Variants in MAST2 observed in about 807,000 individuals in gnomAD.
The protein encoded by MAST2 is microtubule-associated serine/threonine-protein kinase 2.
Under a neutral mutation model 147.4 loss-of-function variants are expected in MAST2, and 70 were observed. The ratio of observed to expected loss-of-function variants is 0.47; its 90% CI spans 0.39 to 0.58. The LOEUF is 0.58. Among genes scored for constraint, MAST2 ranks in the 20% least tolerant of loss-of-function variants. MAST2 has a pLI of 0.00. For missense variants in MAST2, 2,080 were observed against 2,302.3 expected (o/e 0.90, Z 1.98); for synonymous variants, 869 against 896.8 (o/e 0.97, Z 0.55).
At chr1:45,966,172 T>G (rs893417796) in intron 5 of MAST2, among the ~76,000 whole-genome samples, 1 of 152,202 alleles carries the variant, frequency 6.6e-6, no homozygotes, top group Non-Finnish European at 1.5e-5. Flanking sequence ...TGAAGTTTCC[T>G]CCATGTCTTT....
rs1053135930 is a variant in MAST2, at chr1:45,878,212, A to T, written c.469-4152A>T. ...GAGCAAGGCTCTATCTCAAAAAAAA[A>T]AAAAAAAAAAAGTTGACTTTAACTC... is the stretch of plus-strand genomic sequence containing the variant. On this transcript the variant is annotated intron_variant, in intron 3 of 28. Coordinates refer to ENST00000361297, the MANE Select transcript of MAST2 (RefSeq NM_015112.3). Among the ~76,000 whole-genome samples the T allele has an allele frequency of 1.3e-4, 20 of 152,176 alleles. No individual in the cohort carries two copies. The East Asian group carries it at 2.7e-3, about 21-fold the overall frequency.
At chr1:45,979,860 A>G (rs1344269845) in intron 5 of MAST2, among the ~76,000 whole-genome samples, 1 of 152,200 alleles carries the variant, frequency 6.6e-6, no homozygotes, top group Non-Finnish European at 1.5e-5. Flanking sequence ...AAAAGTAGCT[A>G]TAAAAAAGAA....
chr1:45,832,596 T>G (rs1376539274), intron 3 of MAST2, among the ~76,000 whole-genome samples: 2 of 152,172 alleles, frequency 1.3e-5, no homozygotes, highest in African/African-American at 4.8e-5. Flanking sequence ...GCCTGGCCTG[T>G]ATTTTCTTTA....
intron 3 of MAST2, among the ~76,000 whole-genome samples, chr1:45,870,367 A>G (rs1452383281): frequency 6.6e-6 from 1 of 152,140 alleles, no homozygotes; most frequent in Non-Finnish European, 1.5e-5. Flanking sequence ...AACCCAACTC[A>G]GGAATAATGT....
At chr1:45,833,992 G>A (rs1341586132) in intron 3 of MAST2, among the ~76,000 whole-genome samples, 1 of 151,360 alleles carries the variant, frequency 6.6e-6, no homozygotes, top group East Asian at 1.9e-4. Context: ...TTTGCTAGTT[G>A]GTATTAAATA....
chr1:45,962,769 A>C (rs554789238), intron 5 of MAST2, among the ~76,000 whole-genome samples: 48 of 152,218 alleles, frequency 3.2e-4, no homozygotes, highest in South Asian at 8.3e-4. Context: ...GAAGCTCTTT[A>C]GTTTAATTAG....
chr1:45,940,327 A>G (rs539229429), intron 4 of MAST2, among the ~76,000 whole-genome samples: 4 of 151,934 alleles, frequency 2.6e-5, no homozygotes, highest in East Asian at 1.9e-4. Context: ...TTAGTGTTTC[A>G]TAGTTTTCAG....
intron 4 of MAST2, among the ~76,000 whole-genome samples, chr1:45,916,432 C>A (rs997671895): frequency 6.6e-6 from 1 of 152,170 alleles, no homozygotes; most frequent in South Asian, 2.1e-4. Context: ...CTATTTATTA[C>A]CTGTTTTCAA....
At chr1:45,992,018 T>C (rs1277676547) in intron 5 of MAST2, among the ~76,000 whole-genome samples, 1 of 152,178 alleles carries the variant, frequency 6.6e-6, no homozygotes, top group Non-Finnish European at 1.5e-5. Context: ...TATGAGCCAC[T>C]GCACCCAGTC....
At position 45,959,470 on chromosome 1, in the gene MAST2, C is replaced by A. The variant is rs1660097838; in HGVS notation, c.585C>A (p.Gly195=). The change falls in exon 5 of 29, where the codon GGC becomes GGA. Residue 195 remains glycine (G), a synonymous_variant. Coordinates refer to ENST00000361297, the MANE Select transcript of MAST2 (RefSeq NM_015112.3). ...TLPRPHSPLH[G]HTGNSPLDSP... ...CACGGCCACACTCACCACTCCATGG[C>A]CACACAGGTGAGTGCTTGAAGGTTA... 6.2e-7 allele frequency: 1 copy of A among 1,613,220 alleles called. No homozygotes were observed. Among genetic ancestry groups the A allele is most frequent in the Non-Finnish European group, 8.5e-7 (1 of 1,179,452 alleles).
chr1:45,890,287 G>C (rs1193817091), intron 4 of MAST2, among the ~76,000 whole-genome samples: 2 of 152,220 alleles, frequency 1.3e-5, no homozygotes, highest in Non-Finnish European at 2.9e-5. Flanking sequence ...GTAAGTATTA[G>C]CTCAGGCTGC....
At chr1:45,933,905 G>GTT (rs11423169) in intron 4 of MAST2, among the ~76,000 whole-genome samples, 177 of 147,346 alleles carry the variant, frequency 1.2e-3, no homozygotes, top group Middle Eastern at 3.5e-3. Context: ...AAAATTTTAA[G>GTT]TTTTTTTTTT....
intron 4 of MAST2, among the ~76,000 whole-genome samples, chr1:45,903,350 A>G (rs966361928): frequency 6.6e-6 from 1 of 151,738 alleles, no homozygotes; most frequent in Non-Finnish European, 1.5e-5. Flanking sequence ...GGCTGGTCTC[A>G]AACTCCTGAG....
At chr1:45,819,743 T>C (rs1644563714) in intron 1 of MAST2, among the ~76,000 whole-genome samples, 1 of 151,938 alleles carries the variant, frequency 6.6e-6, no homozygotes, top group African/African-American at 2.4e-5. Flanking sequence ...ATTGGAAAAA[T>C]CACTATTAAA....
intron 5 of MAST2, among the ~76,000 whole-genome samples, chr1:45,994,774 T>A (rs568646602): frequency 2.6e-5 from 4 of 152,318 alleles, no homozygotes; most frequent in Non-Finnish European, 5.9e-5. Flanking sequence ...GCCAGTCAAA[T>A]TCTTTACTAC....
At chr1:45,862,311 G>T (rs901067152) in intron 3 of MAST2, among the ~76,000 whole-genome samples, 1 of 152,152 alleles carries the variant, frequency 6.6e-6, no homozygotes, top group African/African-American at 2.4e-5. Context: ...CAAAGGATTT[G>T]AGGTGGGGAA....
chr1:46,019,379 C>T (rs1359582093), intron 10 of MAST2, among the ~76,000 whole-genome samples: 1 of 152,104 alleles, frequency 6.6e-6, no homozygotes, highest in Admixed American at 6.5e-5. Flanking sequence ...GTCTGTGTGG[C>T]ATTTCTTGGT....
At chr1:46,018,749 G>C (rs884443) in intron 10 of MAST2, among the ~76,000 whole-genome samples, 30,875 of 152,030 alleles carry the variant, frequency 0.2, 3,610 homozygotes, top group Non-Finnish European at 0.26. Flanking sequence ...GGAAGGTACA[G>C]ACACACAGTA....
Position 46,034,717 on chromosome 1 carries a change from C to T in MAST2, c.4048C>T (p.Pro1350Ser). 6.2e-7 allele frequency: 1 copy of T among 1,614,154 alleles called. No homozygotes were observed. ...SIPLSPLAHT[P>S]SPPPPTASPQ... Reference sequence around the variant, plus strand: ...CCCACTGTCACCACTGGCCCACACCCCTTCTCCCCCACCCCCAACAGCTTC... The same window carrying T: ...CCCACTGTCACCACTGGCCCACACCTCTTCTCCCCCACCCCCAACAGCTTC... The change falls in exon 29 of 29, where the codon CCT becomes TCT. Residue 1350 changes from proline (P) to serine (S), a missense_variant. Transcript: ENST00000361297.
Sources: allele counts gnomAD v4.1 joint callset (sites outside exome capture counted in the v4.1 genomes callset), GRCh38; gene constraint gnomAD v4.1.1; transcripts MANE v1.5; gene names NCBI Gene and HGNC (gene_info 2026-07-23, HGNC 2026-07-21).